Variants in FUS observed in about 807,000 individuals in gnomAD.
FUS encodes the protein RNA-binding protein FUS.
In FUS, 5 loss-of-function variants were observed where a neutral mutation model predicts 82.7. The ratio of observed to expected loss-of-function variants is 0.06; its 90% CI spans 0.03 to 0.13. The LOEUF is 0.13. Among genes scored for constraint, FUS ranks in the 10% least tolerant of loss-of-function variants. The pLI, the probability that FUS is intolerant of heterozygous loss-of-function variation, is 1.00. For missense variants in FUS, 512 were observed against 707.8 expected, an observed-to-expected ratio of 0.72 and a Z score of 3.14; for synonymous variants, 281 against 247.4, an observed-to-expected ratio of 1.14 and a Z score of -1.27.
downstream of FUS, chr16:31,191,810 G>T (rs1054196949): frequency 1.6e-5 from 9 of 568,502 alleles, no homozygotes; most frequent in Non-Finnish European, 3.0e-5. Flanking sequence ...TGAAGAACAT[G>T]GGATGTCATG....
At chr16:31,190,618 C>A (rs1176109176) in intron 12 of FUS, 124 bp from the exon 13 acceptor site, 1 of 1,177,566 alleles carries the variant, frequency 8.5e-7, no homozygotes, top group Non-Finnish European at 1.3e-6. Flanking sequence ...GAGAAGCAAG[C>A]CGTTTTGTCT....
At chr16:31,185,505 C>T (rs982143131) in intron 6 of FUS, 3 of 593,880 alleles carry the variant, frequency 5.1e-6, no homozygotes, top group Non-Finnish European at 9.5e-6. Flanking sequence ...AGACTTCTTT[C>T]TCTGCAAGGG....
chr16:31,190,818 G>C lies in FUS; in HGVS notation c.1369G>C (p.Gly457Arg). Residue 457 changes from glycine to arginine, a missense_variant, in exon 13 of 15, where the codon GGG becomes CGG. By Grantham distance (125) the Gly-to-Arg change is moderately radical. Around this residue, in one of 6 missense-constraint regions of FUS, gnomAD observed 96 missense variants for 120.7 expected, o/e 0.80. Transcript: ENST00000254108. ...GGCCCCTAAACCAGATGGCCCAGGA[G>C]GGGGACCAGGTGGCTCTCACATGGG... is the stretch of plus-strand genomic sequence containing the variant. Reference protein sequence around the residue: ...CKAPKPDGPGGGPGGSHMGGN... With the variant: ...CKAPKPDGPGRGPGGSHMGGN... The C allele has an allele frequency of 1.9e-6, 3 of 1,614,180 alleles. No homozygotes were observed. The highest frequency in any genetic ancestry group is 2.5e-6 in the Non-Finnish European group (3 of 1,179,994).
chr16:31,187,873 T>C, intron 7 of FUS: 1 of 249,386 alleles, frequency 4.0e-6, no homozygotes, highest in Admixed American at 5.0e-5. Flanking sequence ...TTAAAAATTG[T>C]TCCACAAGGG....
downstream of FUS, chr16:31,193,701 C>T (rs941974709): frequency 3.8e-6 from 2 of 532,522 alleles, no homozygotes; most frequent in Non-Finnish European, 3.6e-6. Context: ...GATAGAGACA[C>T]CTAGCAGCAG....
Position 31,186,846 on chromosome 16 carries a change from C to G in FUS, c.799+10C>G. The G allele has an allele frequency of 6.2e-7, 1 of 1,612,588 alleles. No homozygotes were observed. The highest frequency in any genetic ancestry group is 8.5e-7 in the Non-Finnish European group (1 of 1,178,522). On this transcript the variant is annotated intron_variant, in intron 7 of 14. Coordinates refer to ENST00000254108, the MANE Select transcript of FUS (RefSeq NM_004960.4). ...TTCAATAAATTTGGTGGTAAGTGAA[C>G]AGAGTTTCCAAAATTCCCAACTCCC...
At chr16:31,194,811 T>C, downstream of FUS, 1 of 479,672 alleles carries the variant, frequency 2.1e-6, no homozygotes, top group Non-Finnish European at 4.1e-6. Context: ...GCAAATGTTT[T>C]GTGAATAATC....
chr16:31,184,223 C>G lies in FUS; in HGVS notation c.350C>G (p.Ser117Cys), dbSNP rs2079225064. The G allele has an allele frequency of 1.2e-6, 2 of 1,614,006 alleles. No homozygotes were observed. The highest frequency in any genetic ancestry group is 2.2e-5 in the South Asian group (2 of 91,080). ...GTTTTCCCTAGTTACGGTAGCAGTTCTCAGAGCAGCAGCTATGGGCAGCCC... is the reference window on the plus strand; with the variant it reads ...GTTTTCCCTAGTTACGGTAGCAGTTGTCAGAGCAGCAGCTATGGGCAGCCC... ...SSTSGSYGSS[S>C]QSSSYGQPQS... The change falls in exon 5 of 15, where the codon TCT (serine) becomes TGT (cysteine). Residue 117 changes from serine (S) to cysteine (C), a missense_variant. Ser to Cys is a moderately radical substitution (Grantham distance 112). Around this residue, in one of 6 missense-constraint regions of FUS, gnomAD observed 276 missense variants for 303.3 expected, o/e 0.91. Coordinates refer to ENST00000254108, the MANE Select transcript of FUS (RefSeq NM_004960.4).
chr16:31,194,710 C>T (rs1359980093), downstream of FUS: 2 of 486,222 alleles, frequency 4.1e-6, no homozygotes, highest in Non-Finnish European at 8.1e-6. Flanking sequence ...ATATCCATCA[C>T]TTCATATCAT....
At chr16:31,193,165 C>A (rs1453942597), downstream of FUS, 1 of 487,918 alleles carries the variant, frequency 2.0e-6, no homozygotes, top group East Asian at 4.8e-5. Flanking sequence ...TGGTCTCGAA[C>A]TCCCGACCTC....
chr16:31,187,402 T>G (rs2079286628), intron 7 of FUS: 1 of 237,000 alleles, frequency 4.2e-6, no homozygotes, highest in African/African-American at 2.2e-5. Context: ...AAGGAACATG[T>G]GCACTACTTC....
At chr16:31,185,869 G>T in intron 6 of FUS, 1 of 264,656 alleles carries the variant, frequency 3.8e-6, no homozygotes. Flanking sequence ...TGCTGAAGTT[G>T]ATTTGAAGTA....
chr16:31,182,582 G>C lies in FUS; in HGVS notation c.108G>C (p.Gln36His), dbSNP rs772271532. ...SQQSSQPYGQ[Q>H]SYSGYSQSTD... ...AGAGCAGTCAGCCCTACGGACAGCA[G>C]AGTTACAGTGGTTATAGCCAGTCCA... The change falls in exon 3 of 15, where the codon CAG becomes CAC. Residue 36 changes from glutamine to histidine, a missense_variant. Gln to His is a conservative substitution (Grantham distance 24). Coordinates refer to ENST00000254108, the MANE Select transcript of FUS (RefSeq NM_004960.4). The C allele has an allele frequency of 5.6e-6, 9 of 1,614,088 alleles. No individual in the cohort carries two copies. Among genetic ancestry groups the C allele is most frequent in the East Asian group, 2.2e-5 (1 of 44,900 alleles).
rs775978443 is a variant in FUS, at chr16:31,190,848, A to T, written c.1393+6A>T. On this transcript the variant is annotated splice_donor_region_variant and intron_variant, in intron 13 of 14. Coordinates refer to ENST00000254108, the MANE Select transcript of FUS (RefSeq NM_004960.4). Reference sequence around the variant, plus strand: ...ACCAGGTGGCTCTCACATGGGTAAGAAAGGCAGACCTGGTGCTAGGGAGCT... The same window carrying T: ...ACCAGGTGGCTCTCACATGGGTAAGTAAGGCAGACCTGGTGCTAGGGAGCT... 2 of 1,613,938 alleles carry T rather than the reference A, an allele frequency of 1.2e-6. 1 individual carries two copies. The highest frequency in any genetic ancestry group is 3.3e-5 in the Admixed American group (2 of 60,010).
rs1335374925 is a variant in FUS, at chr16:31,185,195, G to C, written c.764+16G>C. 6.3e-7 allele frequency: 1 copy of C among 1,599,574 alleles called. No homozygotes were observed. The highest frequency in any genetic ancestry group is 1.3e-5 in the African/African-American group (1 of 74,812). ...GTGGCATGGGGTAGGTGTCTCATGA[G>C]CCAGGGAGTATCTTTGGTGGGGAGT... On this transcript the variant is annotated intron_variant, in intron 6 of 14. Coordinates refer to ENST00000254108, the MANE Select transcript of FUS (RefSeq NM_004960.4).
At chr16:31,182,134 C>T in intron 1 of FUS, 1 of 464,236 alleles carries the variant, frequency 2.2e-6, no homozygotes, top group Non-Finnish European at 4.0e-6. Flanking sequence ...GGATTACAGG[C>T]GTGCGCCACC....
intron 14 of FUS, 51 bp downstream of exon 14, chr16:31,191,161 AG>A (rs1018781429): frequency 1.2e-6 from 2 of 1,601,734 alleles, no homozygotes; most frequent in Non-Finnish European, 1.7e-6. Flanking sequence ...CAGAGGCCAT[AG>A]GATAACAGGG....
At chr16:31,192,911 T>G, downstream of FUS, 1 of 486,256 alleles carries the variant, frequency 2.1e-6, no homozygotes, top group Non-Finnish European at 4.1e-6. Flanking sequence ...GTATGTTCTC[T>G]ACTGAAGAGT....
chr16:31,185,984 C>T (rs2079263829), intron 6 of FUS: 1 of 236,752 alleles, frequency 4.2e-6, no homozygotes, highest in Non-Finnish European at 8.4e-6. Flanking sequence ...GTCAGTGTTA[C>T]TGTTTTTGGA....
Sources: gnomAD v4.1 joint callset for allele counts on GRCh38, gnomAD v4.1.1 for gene constraint, gnomAD v4.1.1 regional missense constraint, MANE v1.5 for transcripts, NCBI Gene and HGNC (gene_info 2026-07-23, HGNC 2026-07-21) for gene names.